JAM2: variants seen among roughly 807,000 people sequenced by gnomAD.
JAM2 encodes junctional adhesion molecule B.
JAM2 carries 17 observed loss-of-function variants against 42.0 expected under a neutral mutation model. The ratio of observed to expected loss-of-function variants is 0.40; its 90% CI spans 0.28 to 0.61. JAM2 has a LOEUF of 0.61. Among genes scored for constraint, JAM2 ranks in the 20% least tolerant of loss-of-function variants. The pLI, the probability that JAM2 is intolerant of heterozygous loss-of-function variation, is 0.37. For synonymous variants in JAM2, 118 were observed against 128.6 expected (o/e 0.92, Z 0.56); for missense variants, 319 against 358.3 (o/e 0.89, Z 0.89).
At chr21:25,650,663 A>G (rs1481576063) in intron 1 of JAM2, among the ~76,000 whole-genome samples, 1 of 152,254 alleles carries the variant, frequency 6.6e-6, no homozygotes, top group East Asian at 1.9e-4. Context: ...TAATACATAG[A>G]ATAAATATCA....
chr21:25,712,178 AAT>A, intron 8 of JAM2, 160 bp from the exon 9 acceptor site: 1 of 659,038 alleles, frequency 1.5e-6, no homozygotes, highest in Non-Finnish European at 2.8e-6. Flanking sequence ...ATTGTCTGTA[AAT>A]ATAAGAAATT....
At chr21:25,675,673 C>T (rs1568901055) in intron 1 of JAM2, among the ~76,000 whole-genome samples, 2 of 151,988 alleles carry the variant, frequency 1.3e-5, no homozygotes, top group Non-Finnish European at 2.9e-5. Flanking sequence ...CACTTTTAAA[C>T]AACCAGATCT....
intron 1 of JAM2, among the ~76,000 whole-genome samples, chr21:25,676,013 T>C (rs968246218): frequency 1.3e-5 from 2 of 152,060 alleles, no homozygotes; most frequent in Non-Finnish European, 2.9e-5. Context: ...TCAGGCCGGG[T>C]GCAGTGGCTC....
intron 5 of JAM2, among the ~76,000 whole-genome samples, chr21:25,700,821 C>T (rs922662902): frequency 6.6e-6 from 1 of 152,252 alleles, no homozygotes; most frequent in Non-Finnish European, 1.5e-5. Flanking sequence ...AAGCTCTGGC[C>T]TCTCAGCAGT....
chr21:25,675,448 A>T (rs1267795203), intron 1 of JAM2, among the ~76,000 whole-genome samples: 47 of 151,862 alleles, frequency 3.1e-4, no homozygotes, highest in Non-Finnish European at 7.4e-5. Flanking sequence ...GTGAGCCAAG[A>T]TGGCGCCATT....
intron 4 of JAM2, 105 bp downstream of exon 4, chr21:25,694,013 A>T: frequency 9.4e-7 from 1 of 1,058,648 alleles, no homozygotes; most frequent in Non-Finnish European, 1.4e-6. Flanking sequence ...ATCAACTGGG[A>T]GCCTCAACCA....
In JAM2 at chr21:25,646,689, G is replaced by T. The variant is rs549635908; in HGVS notation, c.67+6801G>T. On this transcript the variant is annotated intron_variant, in intron 1 of 9. Transcript: ENST00000480456. ...CTACTCTATGAATCTTCAGGCCAGT[G>T]AATGGGTAGGAAATGCTCTCCAGTT... Among the ~76,000 whole-genome samples the T allele has an allele frequency of 6.6e-5, 10 of 152,276 alleles. 1 individual carries two copies. In the South Asian group the frequency reaches 2.1e-3, roughly 32 times the overall value.
intron 9 of JAM2, 29 bp downstream of exon 9, chr21:25,712,411 A>C: frequency 2.0e-6 from 3 of 1,496,442 alleles, no homozygotes; most frequent in Non-Finnish European, 2.8e-6. Context: ...TATTTATAGA[A>C]TGAATATGTT....
At chr21:25,695,728 G>T (rs1430130201) in intron 4 of JAM2, among the ~76,000 whole-genome samples, 3 of 147,912 alleles carry the variant, frequency 2.0e-5, no homozygotes, top group Non-Finnish European at 4.5e-5. Context: ...GCTGCCAGGC[G>T]GAGGGGCTCC....
rs78507400 is a variant in JAM2, at chr21:25,695,109, T to C, written c.394+1201T>C. On this transcript the variant is annotated intron_variant, in intron 4 of 9. Transcript: ENST00000480456. ...AGTGAACAAGGGTCTTTGGTTTTCC[T>C]AGGCAGAGGACCCTGCGGCCTTCCG... Among the ~76,000 whole-genome samples the C allele has an allele frequency of 5.3e-3, 806 of 152,250 alleles. 9 individuals are homozygous for C. The highest frequency in any genetic ancestry group is 0.018 in the African/African-American group (751 of 41,544).
intron 1 of JAM2, among the ~76,000 whole-genome samples, chr21:25,652,169 T>G (rs953430984): frequency 6.6e-6 from 1 of 152,036 alleles, no homozygotes; most frequent in Non-Finnish European, 1.5e-5. Context: ...GAAGATTGCT[T>G]AAGACCAGGA....
At chr21:25,653,789 G>T (rs533700440) in intron 1 of JAM2, among the ~76,000 whole-genome samples, 1 of 152,298 alleles carries the variant, frequency 6.6e-6, no homozygotes, top group Non-Finnish European at 1.5e-5. Context: ...ATATCACTTA[G>T]AAAGCAAGGT....
At chr21:25,648,918 A>G (rs1250799843) in intron 1 of JAM2, among the ~76,000 whole-genome samples, 1 of 152,208 alleles carries the variant, frequency 6.6e-6, no homozygotes, top group East Asian at 1.9e-4. Context: ...ATAACTTTTT[A>G]GCAATAAAAA....
chr21:25,712,481 T>C, intron 9 of JAM2, 99 bp downstream of exon 9: 1 of 831,194 alleles, frequency 1.2e-6, no homozygotes. Flanking sequence ...TCACTTTTAA[T>C]ACACTTTGCA....
rs911649646 is a variant in JAM2, at chr21:25,658,787, T to C, written c.67+18899T>C. 2.6e-5 allele frequency among the ~76,000 whole-genome samples: 4 copies of C among 152,218 alleles called. No homozygotes were observed. In the South Asian group the frequency reaches 8.3e-4, roughly 31 times the overall value. On this transcript the variant is annotated intron_variant, in intron 1 of 9. Coordinates refer to ENST00000480456, the MANE Select transcript of JAM2 (RefSeq NM_021219.4). Reference sequence around the variant, plus strand: ...TCAGAGGAATTATTTTACTTAATTCTCATGTTAACATTACTGTGAGACCCA... The same window carrying C: ...TCAGAGGAATTATTTTACTTAATTCCCATGTTAACATTACTGTGAGACCCA...
At chr21:25,647,128 A>G (rs1238319562) in intron 1 of JAM2, among the ~76,000 whole-genome samples, 1 of 152,238 alleles carries the variant, frequency 6.6e-6, no homozygotes, top group African/African-American at 2.4e-5. Context: ...CTTCCTAAAT[A>G]CATACTATGG....
intron 1 of JAM2, among the ~76,000 whole-genome samples, chr21:25,647,611 C>T (rs1337071210): frequency 6.6e-6 from 1 of 152,082 alleles, no homozygotes; most frequent in Admixed American, 6.5e-5. Flanking sequence ...TAACTAGAAC[C>T]ACCAAAAATA....
At chr21:25,670,240 T>A (rs1375987564) in intron 1 of JAM2, among the ~76,000 whole-genome samples, 2 of 152,098 alleles carry the variant, frequency 1.3e-5, no homozygotes, top group African/African-American at 2.4e-5. Context: ...TCCCAGCACT[T>A]TGGGAGGCCG....
At chr21:25,641,606 T>A (rs543730379) in intron 1 of JAM2, among the ~76,000 whole-genome samples, 2,164 of 149,058 alleles carry the variant, frequency 0.015, 21 homozygotes, top group Non-Finnish European at 0.022. Flanking sequence ...TTTTTTTTTT[T>A]ATGTTTAAAA....
Sources: allele counts gnomAD v4.1 joint callset (sites outside exome capture counted in the v4.1 genomes callset), GRCh38; gene constraint gnomAD v4.1.1; transcripts MANE v1.5; gene names NCBI Gene and HGNC (gene_info 2026-07-23, HGNC 2026-07-21).